The following PYGB variants were observed in gnomAD, a reference collection of about 807,000 sequenced individuals.
The protein encoded by PYGB is glycogen phosphorylase, brain form.
A neutral mutation model predicts 94.3 loss-of-function variants in PYGB; 82 were observed. The ratio of observed to expected loss-of-function variants is 0.87; its 90% CI spans 0.73 to 1.04. The LOEUF is 1.04. Ranked by LOEUF, PYGB falls within the 50% of genes least tolerant of loss-of-function variation. PYGB has a pLI of 0.00. For missense variants in PYGB, 1,132 were observed against 1,158.2 expected (o/e 0.98, Z 0.33); for synonymous variants, 488 against 479.1 (o/e 1.02, Z -0.24).
At position 25,279,054 on chromosome 20, in the gene PYGB, C is replaced by T. The variant is rs781518873; in HGVS notation, c.1000-3C>T. 1.2e-6 allele frequency: 2 copies of T among 1,611,148 alleles called. No individual in the cohort carries two copies. On this transcript the variant is annotated splice_region_variant and splice_polypyrimidine_tract_variant and intron_variant, in intron 8 of 19. Transcript: ENST00000216962. ...TGAATGGCACCCCTTGTGCGACCTTCAGGTGGCCATCCAGCTGAACGACAC... is the reference window on the plus strand; with the variant it reads ...TGAATGGCACCCCTTGTGCGACCTTTAGGTGGCCATCCAGCTGAACGACAC...
chr20:25,270,169 G>T (rs1017412982), intron 3 of PYGB, among the ~76,000 whole-genome samples: 1 of 147,312 alleles, frequency 6.8e-6, no homozygotes, highest in Non-Finnish European at 1.5e-5. Context: ...GTGTTTTTTT[G>T]ATTTTTTTAA....
chr20:25,280,980 A>G lies in PYGB; in HGVS notation c.1271A>G (p.Asp424Gly). The change falls in exon 11 of 20, where the codon GAC (aspartate) becomes GGC (glycine). Residue 424 changes from aspartate to glycine, a missense_variant. Asp to Gly is a moderately conservative substitution (Grantham distance 94). Transcript: ENST00000216962. ...HVAALFPGDV[D>G]RLRRMSVIEE... ...GCCGCGCTGTTTCCCGGCGATGTGGACCGCCTGCGCAGGATGTCTGTGATC... is the reference window on the plus strand; with the variant it reads ...GCCGCGCTGTTTCCCGGCGATGTGGGCCGCCTGCGCAGGATGTCTGTGATC... 4 of 1,613,930 alleles carry G rather than the reference A, an allele frequency of 2.5e-6. No homozygotes were observed. The highest frequency in any genetic ancestry group is 2.5e-6 in the Non-Finnish European group (3 of 1,179,930).
intron 1 of PYGB, among the ~76,000 whole-genome samples, chr20:25,252,722 C>G (rs971924146): frequency 6.6e-6 from 1 of 152,252 alleles, no homozygotes; most frequent in Non-Finnish European, 1.5e-5. Context: ...GCCACTGTCC[C>G]AGCACCTCCA....
Position 25,274,674 on chromosome 20 carries a change from A to G in PYGB, c.611A>G (p.Tyr204Cys), listed in dbSNP as rs201048394. The change falls in exon 5 of 20, where the codon TAC (tyrosine) becomes TGC (cysteine). Residue 204 changes from tyrosine to cysteine, a missense_variant. Transcript: ENST00000216962. ...RPEYMLPVHF[Y>C]GRVEHTPDGV... ...GAGTATATGCTTCCCGTGCACTTCTACGGACGCGTGGAGCACACCCCCGAC... is the reference window on the plus strand; with the variant it reads ...GAGTATATGCTTCCCGTGCACTTCTGCGGACGCGTGGAGCACACCCCCGAC... 1.4e-5 allele frequency: 22 copies of G among 1,613,692 alleles called. No individual in the cohort carries two copies. The highest frequency in any genetic ancestry group is 1.8e-5 in the Non-Finnish European group (21 of 1,180,032).
intron 2 of PYGB, among the ~76,000 whole-genome samples, chr20:25,265,472 A>T (rs2088208457): frequency 6.6e-6 from 1 of 152,202 alleles, no homozygotes; most frequent in Non-Finnish European, 1.5e-5. Context: ...GTTCCTGATA[A>T]CTAATGATGC....
intron 4 of PYGB, 81 bp from the exon 5 acceptor site, chr20:25,274,511 G>C: frequency 6.6e-7 from 1 of 1,526,578 alleles, no homozygotes; most frequent in East Asian, 2.3e-5. Context: ...GATCTCGACC[G>C]CACGGTCTGC....
intron 13 of PYGB, 88 bp downstream of exon 13, chr20:25,283,365 C>T (rs1298824150): frequency 2.5e-6 from 3 of 1,188,638 alleles, no homozygotes; most frequent in Non-Finnish European, 3.6e-6. Context: ...ACAGGCCCAG[C>T]ACAGGTCCTG....
At position 25,296,521 on chromosome 20, in the gene PYGB, A is replaced by G. The variant is rs1253796129; in HGVS notation, c.2531A>G (p.Ter844TrpextTer36). Residue 844 changes from the stop codon to tryptophan (W), a stop_lost, in exon 20 of 20, where the codon TAG (stop) becomes TGG (tryptophan). Coordinates refer to ENST00000216962, the MANE Select transcript of PYGB (RefSeq NM_002862.4). ...CCGCCCCCCAACATCCCCCGGGACT[A>G]GGCACACCCTGCCTTGGCGGGACCA... Reference protein sequence around the residue: ...QIPPPNIPRD* With the variant: ...QIPPPNIPRDW The G allele has an allele frequency of 1.2e-6, 2 of 1,611,594 alleles. No individual in the cohort carries two copies. The highest frequency in any genetic ancestry group is 2.7e-5 in the African/African-American group (2 of 74,878).
At chr20:25,266,563 A>C (rs2088220098) in intron 2 of PYGB, among the ~76,000 whole-genome samples, 1 of 152,230 alleles carries the variant, frequency 6.6e-6, no homozygotes, top group Admixed American at 6.5e-5. Flanking sequence ...CATCAAAATT[A>C]AAAACTTTTG....
At chr20:25,281,250 CAG>C (rs2088364660) in intron 11 of PYGB, 138 bp downstream of exon 11, 3 of 1,189,130 alleles carry the variant, frequency 2.5e-6, no homozygotes, top group Non-Finnish European at 3.5e-6. Context: ...ATAGGAATGA[CAG>C]AGCTGCCCAG....
At position 25,292,543 on chromosome 20, in the gene PYGB, GAGGCCGGGGCCGAGA is replaced by G. The variant is rs2088478596; in HGVS notation, c.2109_2123del (p.Glu703_Asn708delinsAsp). ...CGGCGCCAACGTGGAGATGGCCGAG[GAGGCCGGGGCCGAGA>G]ACCTCTTCATCTTCGGCCTGCGGGT... On this transcript the variant is annotated inframe_deletion, in exon 17 of 20. Transcript: ENST00000216962. 4 of 1,613,354 alleles carry G rather than the reference GAGGCCGGGGCCGAGA, an allele frequency of 2.5e-6. No homozygotes were observed. Among genetic ancestry groups the G allele is most frequent in the Non-Finnish European group, 3.4e-6 (4 of 1,179,976 alleles).
Position 25,293,019 on chromosome 20 carries a change from T to C in PYGB, c.2177+406T>C, listed in dbSNP as rs977945074. ...CAGGGGCGCTCTGCCGGGAGCACTC[T>C]GCTGATTTGGGGCTTGCCTGCTGTT... is the stretch of plus-strand genomic sequence containing the variant. On this transcript the variant is annotated intron_variant, in intron 17 of 19. Transcript: ENST00000216962. 2.0e-5 allele frequency among the ~76,000 whole-genome samples: 3 copies of C among 152,084 alleles called. No individual in the cohort carries two copies. In the South Asian group the frequency reaches 6.2e-4, roughly 31 times the overall value.
At chr20:25,276,879 A>C (rs2088317055) in intron 6 of PYGB, 122 bp downstream of exon 6, 2 of 863,726 alleles carry the variant, frequency 2.3e-6, no homozygotes, top group Non-Finnish European at 1.8e-6. Context: ...GCCCTCCTCT[A>C]GGGTGTCCCT....
At chr20:25,286,575 G>A (rs917810532) in intron 14 of PYGB, among the ~76,000 whole-genome samples, 1 of 152,176 alleles carries the variant, frequency 6.6e-6, no homozygotes, top group African/African-American at 2.4e-5. Flanking sequence ...GGGGCTATTC[G>A]GAATAGGCTT....
intron 10 of PYGB, 93 bp from the exon 11 acceptor site, chr20:25,280,856 G>T: frequency 6.8e-7 from 1 of 1,471,568 alleles, no homozygotes; most frequent in Non-Finnish European, 9.3e-7. Flanking sequence ...AGCTTCCCAT[G>T]GGTGGTCATG....
At chr20:25,294,642 T>C in intron 18 of PYGB, 1 of 553,312 alleles carries the variant, frequency 1.8e-6, no homozygotes, top group South Asian at 2.0e-5. Context: ...GGCCCAAAAC[T>C]CCCTGGGGTG....
chr20:25,257,491 TAGAAGTTAGGAACTTTTGCAGAG>T (rs2092904933), intron 1 of PYGB, among the ~76,000 whole-genome samples: 1 of 152,192 alleles, frequency 6.6e-6, no homozygotes, highest in South Asian at 2.1e-4. Flanking sequence ...AAGTTCTAAG[TAGAAGTTAGGAACTTTTGCAGAG>T]AGAGCAAACT....
intron 14 of PYGB, among the ~76,000 whole-genome samples, chr20:25,286,677 G>A (rs2088420826): frequency 6.6e-6 from 1 of 152,184 alleles, no homozygotes; most frequent in South Asian, 2.1e-4. Context: ...GTCTCACCTG[G>A]GCGGGAGGCT....
At chr20:25,286,405 C>G (rs562972488) in intron 14 of PYGB, among the ~76,000 whole-genome samples, 16 of 152,332 alleles carry the variant, frequency 1.1e-4, no homozygotes, top group Non-Finnish European at 2.1e-4. Context: ...CCTCTGCTCT[C>G]TGCCCCCCTC....
Sources: allele counts gnomAD v4.1 joint callset (sites outside exome capture counted in the v4.1 genomes callset), GRCh38; gene constraint gnomAD v4.1.1; transcripts MANE v1.5; gene names NCBI Gene and HGNC (gene_info 2026-07-23, HGNC 2026-07-21).